The following SPAG16 variants were observed in gnomAD, a reference collection of about 807,000 sequenced individuals.
SPAG16 encodes sperm associated antigen 16.
SPAG16 carries 86 observed loss-of-function variants against 80.4 expected under a neutral mutation model. The observed-to-expected ratio is 1.07, with a 90% confidence interval of 0.90 to 1.28. SPAG16 has a LOEUF of 1.28. SPAG16 is among the 50% of genes most tolerant of loss of function. SPAG16 has a pLI of 0.00. For synonymous variants in SPAG16, 294 were observed against 265.9 expected, an observed-to-expected ratio of 1.11 and a Z score of -1.03; for missense variants, 870 against 765.3, an observed-to-expected ratio of 1.14 and a Z score of -1.61.
At chr2:213,308,736 T>G (rs2371891) in intron 3 of SPAG16, among the ~76,000 whole-genome samples, 148,329 of 152,110 alleles carry the variant, frequency 0.98, 72,429 homozygotes, top group East Asian at 1. Context: ...TGTTCTAAAG[T>G]GGTCTTATAT....
At chr2:214,017,497 T>C (rs2047650881) in intron 13 of SPAG16, among the ~76,000 whole-genome samples, 1 of 152,186 alleles carries the variant, frequency 6.6e-6, no homozygotes, top group Non-Finnish European at 1.5e-5. Context: ...CTATATCTTA[T>C]TTACTTTCTC....
chr2:213,605,950 T>G (rs2061245964), intron 10 of SPAG16, among the ~76,000 whole-genome samples: 1 of 152,222 alleles, frequency 6.6e-6, no homozygotes, highest in Non-Finnish European at 1.5e-5. Flanking sequence ...ACTGCAATTT[T>G]TTTCATGGTT....
At chr2:214,058,146 C>T (rs562106187) in intron 13 of SPAG16, among the ~76,000 whole-genome samples, 3 of 152,296 alleles carry the variant, frequency 2.0e-5, no homozygotes, top group East Asian at 3.9e-4. Context: ...GCATTCATAA[C>T]TTGGCTGTTT....
At chr2:213,363,320 C>A (rs1286557439) in intron 7 of SPAG16, among the ~76,000 whole-genome samples, 1 of 151,706 alleles carries the variant, frequency 6.6e-6, no homozygotes, top group Non-Finnish European at 1.5e-5. Flanking sequence ...AGATAGTAAT[C>A]TTTTACTTTT....
chr2:213,417,537 T>G (rs1284974053), intron 9 of SPAG16, among the ~76,000 whole-genome samples: 1 of 152,262 alleles, frequency 6.6e-6, no homozygotes, highest in East Asian at 1.9e-4. Flanking sequence ...TGTTAAAAAC[T>G]GTTATAGAAC....
intron 10 of SPAG16, among the ~76,000 whole-genome samples, chr2:213,508,098 ACTGGGT>A (rs2075045531): frequency 2.0e-5 from 3 of 152,188 alleles, no homozygotes; most frequent in Non-Finnish European, 4.4e-5. Flanking sequence ...CCATCCCATC[ACTGGGT>A]ATATACCCAA....
intron 15 of SPAG16, among the ~76,000 whole-genome samples, chr2:214,154,893 T>C (rs1351121023): frequency 6.6e-6 from 1 of 152,148 alleles, no homozygotes; most frequent in African/African-American, 2.4e-5. Flanking sequence ...TGTATGTACA[T>C]ATATGAAACA....
At chr2:214,031,355 G>T (rs1222514539) in intron 13 of SPAG16, among the ~76,000 whole-genome samples, 1 of 141,700 alleles carries the variant, frequency 7.1e-6, no homozygotes, top group South Asian at 2.3e-4. Context: ...ACCAAACACC[G>T]CATGTTCTCA....
chr2:214,274,894 T>C (rs1279775793), intron 15 of SPAG16, among the ~76,000 whole-genome samples: 2 of 152,228 alleles, frequency 1.3e-5, no homozygotes, highest in African/African-American at 4.8e-5. Flanking sequence ...TTTGTACCTC[T>C]AGTAGAATTG....
At chr2:213,305,962 G>A (rs2062923536) in intron 3 of SPAG16, among the ~76,000 whole-genome samples, 1 of 152,140 alleles carries the variant, frequency 6.6e-6, no homozygotes, top group Non-Finnish European at 1.5e-5. Flanking sequence ...CAGCAGTGAA[G>A]CCATTGTGTC....
chr2:213,422,349 G>A, intron 9 of SPAG16: 3 of 692,112 alleles, frequency 4.3e-6, no homozygotes, highest in Non-Finnish European at 2.6e-6. Context: ...CAGATCCAGT[G>A]CCTGTGCCAG....
intron 9 of SPAG16, among the ~76,000 whole-genome samples, chr2:213,418,881 G>A (rs187751788): frequency 6.6e-6 from 1 of 152,128 alleles, no homozygotes; most frequent in Non-Finnish European, 1.5e-5. Flanking sequence ...AGAATTCTGG[G>A]AGCATTGCTT....
chr2:213,815,866 A>C (rs2072500230), intron 10 of SPAG16, among the ~76,000 whole-genome samples: 1 of 152,188 alleles, frequency 6.6e-6, no homozygotes, highest in East Asian at 1.9e-4. Context: ...ATAAATTTAC[A>C]TGATATTGAC....
intron 5 of SPAG16, among the ~76,000 whole-genome samples, chr2:213,322,102 AAG>A (rs943530155): frequency 6.7e-6 from 1 of 150,342 alleles, no homozygotes; most frequent in African/African-American, 2.4e-5. Flanking sequence ...AAATAAAAAA[AAG>A]TAAAAAAAAA....
chr2:213,508,270 G>T (rs187175775), intron 10 of SPAG16, among the ~76,000 whole-genome samples: 177 of 152,286 alleles, frequency 1.2e-3, no homozygotes, highest in African/African-American at 3.8e-3. Flanking sequence ...ATACCATGCA[G>T]CCATAAAAAA....
chr2:214,291,531 T>A (rs1038008662), intron 15 of SPAG16, among the ~76,000 whole-genome samples: 1 of 151,730 alleles, frequency 6.6e-6, no homozygotes, highest in Non-Finnish European at 1.5e-5. Context: ...GGTCTCGATC[T>A]CCTGACCTCG....
chr2:214,203,832 G>T (rs1320445724), intron 15 of SPAG16, among the ~76,000 whole-genome samples: 1 of 152,182 alleles, frequency 6.6e-6, no homozygotes, highest in Non-Finnish European at 1.5e-5. Context: ...GGAGAAGGGG[G>T]CGAATCAGGG....
At chr2:214,385,015 C>T (rs538169671) in intron 15 of SPAG16, among the ~76,000 whole-genome samples, 1 of 152,264 alleles carries the variant, frequency 6.6e-6, no homozygotes, top group South Asian at 2.1e-4. Flanking sequence ...ATAGAAAACC[C>T]ATGGTATGTT....
chr2:214,279,077 A>G (rs1301593025), intron 15 of SPAG16, among the ~76,000 whole-genome samples: 1 of 151,936 alleles, frequency 6.6e-6, no homozygotes, highest in Non-Finnish European at 1.5e-5. Flanking sequence ...AGCAACAACA[A>G]AAACAAACAG....
Sources: gnomAD v4.1 joint callset for allele counts (sites outside exome capture counted in the v4.1 genomes callset) on GRCh38, gnomAD v4.1.1 for gene constraint, MANE v1.5 for transcripts, NCBI Gene and HGNC (gene_info 2026-07-23, HGNC 2026-07-21) for gene names.